NARS2: variants seen among roughly 807,000 people sequenced by gnomAD.
NARS2 encodes asparaginyl-tRNA synthetase 2, mitochondrial.
NARS2 carries 60 observed loss-of-function variants against 62.9 expected under a neutral mutation model. That is an observed-to-expected ratio of 0.95 (90% CI 0.77 to 1.18). NARS2 has a LOEUF of 1.18. Among genes scored for constraint, NARS2 ranks in the 50% most tolerant of loss-of-function variants. The pLI, the probability that NARS2 is intolerant of heterozygous loss-of-function variation, is 0.00. For missense variants in NARS2, 619 were observed against 576.4 expected (o/e 1.07, Z -0.76); for synonymous variants, 196 against 200.0 (o/e 0.98, Z 0.17).
At chr11:78,447,118 G>T (rs544328834) in intron 11 of NARS2, among the ~76,000 whole-genome samples, 24 of 148,814 alleles carry the variant, frequency 1.6e-4, no homozygotes, top group African/African-American at 5.9e-4. Flanking sequence ...TAATTATTAA[G>T]AAAATGAAAA....
At chr11:78,447,281 G>A (rs193302272) in intron 11 of NARS2, among the ~76,000 whole-genome samples, 2 of 152,024 alleles carry the variant, frequency 1.3e-5, no homozygotes, top group East Asian at 3.9e-4. Flanking sequence ...AGCCTCCTAA[G>A]TAGCTGGGAT....
At chr11:78,497,385 A>G (rs895243228) in intron 6 of NARS2, among the ~76,000 whole-genome samples, 2 of 152,130 alleles carry the variant, frequency 1.3e-5, no homozygotes, top group African/African-American at 4.8e-5. Flanking sequence ...CTGAAATTTC[A>G]CAGTGAATCT....
chr11:78,506,969 C>T (rs2135376369), intron 6 of NARS2, among the ~76,000 whole-genome samples: 1 of 152,334 alleles, frequency 6.6e-6, no homozygotes, highest in East Asian at 1.9e-4. Flanking sequence ...CCATACCCCT[C>T]TCCCAGCCCT....
At chr11:78,533,594 C>T (rs760527216) in intron 5 of NARS2, among the ~76,000 whole-genome samples, 1 of 152,154 alleles carries the variant, frequency 6.6e-6, no homozygotes, top group Non-Finnish European at 1.5e-5. Context: ...TTTATGAGCA[C>T]AAGAAAAGTC....
At chr11:78,571,722 A>G (rs547219484) in intron 1 of NARS2, 1 of 278,450 alleles carries the variant, frequency 3.6e-6, no homozygotes, top group Non-Finnish European at 6.9e-6. Flanking sequence ...CATATAATCA[A>G]TCCTCCCAAT....
At chr11:78,505,618 T>C (rs1860464612) in intron 6 of NARS2, among the ~76,000 whole-genome samples, 1 of 152,182 alleles carries the variant, frequency 6.6e-6, no homozygotes, top group Non-Finnish European at 1.5e-5. Flanking sequence ...ATTATCTACC[T>C]GAAGTCATAT....
At chr11:78,453,324 C>T (rs1281607610) in intron 11 of NARS2, among the ~76,000 whole-genome samples, 6 of 152,200 alleles carry the variant, frequency 3.9e-5, no homozygotes, top group Non-Finnish European at 8.8e-5. Context: ...CACACAGCTG[C>T]AGTGGCATGC....
intron 7 of NARS2, among the ~76,000 whole-genome samples, chr11:78,483,211 A>G (rs1591185678): frequency 6.6e-6 from 1 of 152,174 alleles, no homozygotes; most frequent in East Asian, 1.9e-4. Flanking sequence ...GAAAACTCTC[A>G]ATAAACTAGG....
In NARS2 at chr11:78,561,715, C is replaced by T. The variant is rs370953607; in HGVS notation, c.514-2096G>A. The stretch of plus-strand genomic sequence containing the variant: ...AAGGAAACGTGAAAGGAATTGCTAG[C>T]CACAGGCAGGCCATAGACAACATAA... On this transcript the variant is annotated intron_variant, in intron 4 of 13. Transcript: ENST00000281038. 3.3e-5 allele frequency among the ~76,000 whole-genome samples: 5 copies of T among 152,138 alleles called. No individual in the cohort carries two copies. In the East Asian group the frequency reaches 7.7e-4, roughly 23 times the overall value.
intron 11 of NARS2, among the ~76,000 whole-genome samples, chr11:78,456,927 A>G (rs900739359): frequency 6.6e-6 from 1 of 152,234 alleles, no homozygotes; most frequent in Non-Finnish European, 1.5e-5. Context: ...TCAGTAATTT[A>G]TAAGTTAGTC....
intron 6 of NARS2, among the ~76,000 whole-genome samples, chr11:78,518,811 C>G (rs1861008006): frequency 6.6e-6 from 1 of 152,100 alleles, no homozygotes; most frequent in South Asian, 2.1e-4. Flanking sequence ...GCCACTGCAC[C>G]CGGCCAGAAT....
At chr11:78,472,323 A>G (rs1304951622) in intron 9 of NARS2, among the ~76,000 whole-genome samples, 3 of 152,206 alleles carry the variant, frequency 2.0e-5, no homozygotes, top group African/African-American at 4.8e-5. Context: ...GCATCAAACT[A>G]CCTTCATATT....
At chr11:78,532,732 C>T (rs553026652) in intron 5 of NARS2, among the ~76,000 whole-genome samples, 85 of 152,328 alleles carry the variant, frequency 5.6e-4, no homozygotes, top group African/African-American at 2.0e-3. Flanking sequence ...TAACATCCTT[C>T]CTTTTTCATG....
At chr11:78,562,989 T>C (rs1328487703) in intron 4 of NARS2, among the ~76,000 whole-genome samples, 2 of 152,156 alleles carry the variant, frequency 1.3e-5, no homozygotes, top group Non-Finnish European at 2.9e-5. Flanking sequence ...CATATAACTA[T>C]TACTTAATAT....
At position 78,493,156 on chromosome 11, in the gene NARS2, T is replaced by C; in HGVS notation, c.729A>G (p.Arg243=). 6.2e-7 allele frequency: 1 copy of C among 1,613,974 alleles called. No individual in the cohort carries two copies. The highest frequency in any genetic ancestry group is 8.5e-7 in the Non-Finnish European group (1 of 1,179,926). ...GCCTCCGGCTCTGAGAATTTTCAGC[T>C]CGGAAGGTCGGACCAAAGGTAAACA... ...TQVFTFGPTF[R]AENSQSRRHL... is the part of the protein sequence containing the mutation. Residue 243 remains arginine (R), a synonymous_variant, in exon 7 of 14, where the codon CGA becomes CGG. Coordinates refer to ENST00000281038, the MANE Select transcript of NARS2 (RefSeq NM_024678.6).
intron 9 of NARS2, among the ~76,000 whole-genome samples, chr11:78,475,836 A>C (rs780981571): frequency 1.3e-5 from 2 of 152,058 alleles, no homozygotes; most frequent in Non-Finnish European, 2.9e-5. Context: ...CCTGGGTTCA[A>C]GTGATCCTCC....
chr11:78,469,336 C>T, intron 9 of NARS2, 23 bp from the exon 10 acceptor site: 1 of 1,592,220 alleles, frequency 6.3e-7, no homozygotes, highest in Non-Finnish European at 8.6e-7. Flanking sequence ...AGGATACAAG[C>T]AGAGAAAAGT....
In NARS2 at chr11:78,571,872, G is replaced by A. The variant is rs116156917; in HGVS notation, c.142-428C>T. On this transcript the variant is annotated intron_variant, in intron 1 of 13. Transcript: ENST00000281038. ...TTCATCTCACTGCGCTGCCCAGAAG[G>A]CATCTCCTCTTTGGTGATTCTAAAT... Among the ~76,000 whole-genome samples, 1,031 of 152,216 alleles carry A rather than the reference G, an allele frequency of 6.8e-3. 11 individuals carry two copies. Among genetic ancestry groups the A allele is most frequent in the African/African-American group, 0.024 (992 of 41,530 alleles).
chr11:78,569,408 G>A (rs111716430), intron 2 of NARS2, among the ~76,000 whole-genome samples: 2,838 of 152,266 alleles, frequency 0.019, 78 homozygotes, highest in African/African-American at 0.064. Context: ...TCCTGCCTTG[G>A]CCTCCCAAAG....
Sources: gnomAD v4.1 joint callset for allele counts (sites outside exome capture counted in the v4.1 genomes callset) on GRCh38, gnomAD v4.1.1 for gene constraint, MANE v1.5 for transcripts, NCBI Gene and HGNC (gene_info 2026-07-23, HGNC 2026-07-21) for gene names.